ARHGAP32: variants seen among roughly 807,000 people sequenced by gnomAD.
ARHGAP32 encodes the protein Rho GTPase activating protein 32, also known as rho GTPase-activating protein 32.
In ARHGAP32, 51 loss-of-function variants were observed where a neutral mutation model predicts 186.5. The ratio of observed to expected loss-of-function variants is 0.27; its 90% CI spans 0.22 to 0.35. The LOEUF is 0.35. Ranked by LOEUF, ARHGAP32 falls within the 10% of genes least tolerant of loss-of-function variation. The pLI is 1.00. For synonymous variants in ARHGAP32, 950 were observed against 964.3 expected (o/e 0.99, Z 0.27); for missense variants, 2,186 against 2,623.5 (o/e 0.83, Z 3.64).
At chr11:129,212,804 TATCAC>T (rs781159743) in intron 1 of ARHGAP32, among the ~76,000 whole-genome samples, 9 of 152,230 alleles carry the variant, frequency 5.9e-5, no homozygotes, top group Non-Finnish European at 1.0e-4. Flanking sequence ...TGTATCAAAA[TATCAC>T]ATGTACCCCA....
rs200153351 is a variant in ARHGAP32, at chr11:129,062,288, C to T, written c.955G>A (p.Gly319Arg). Residue 319 changes from glycine (G) to arginine (R), a missense_variant, in exon 10 of 23, where the codon GGA (glycine) becomes AGA (arginine). Around this residue, in one of 5 missense-constraint regions of ARHGAP32, gnomAD observed 308 missense variants for 596.5 expected, o/e 0.52. Coordinates refer to ENST00000682385, the MANE Select transcript of ARHGAP32 (RefSeq NM_001378024.1). Reference sequence around the variant, plus strand: ...AATTTGCTGCTGCCTACCTGGAATCCGTGCTTGCCTCTCCACCATGTGCTT... The same window carrying T: ...AATTTGCTGCTGCCTACCTGGAATCTGTGCTTGCCTCTCCACCATGTGCTT... ...VLSTWWRGKH[G>R]FQVGLFPGHC... 7 of 1,613,234 alleles carry T rather than the reference C, an allele frequency of 4.3e-6. No homozygotes were observed. The highest frequency in any genetic ancestry group is 5.1e-6 in the Non-Finnish European group (6 of 1,179,464).
intron 1 of ARHGAP32, among the ~76,000 whole-genome samples, chr11:129,226,020 T>G (rs1471618597): frequency 6.6e-6 from 1 of 152,022 alleles, no homozygotes; most frequent in Non-Finnish European, 1.5e-5. Flanking sequence ...GGAAGAAAAA[T>G]TCTTCAAATA....
At chr11:129,138,379 T>C (rs1942982613) in intron 2 of ARHGAP32, among the ~76,000 whole-genome samples, 1 of 151,316 alleles carries the variant, frequency 6.6e-6, no homozygotes, top group Non-Finnish European at 1.5e-5. Flanking sequence ...CCCTATAATC[T>C]GAACCAGTTA....
intron 1 of ARHGAP32, among the ~76,000 whole-genome samples, chr11:129,186,259 A>G (rs1944159317): frequency 6.6e-6 from 1 of 152,154 alleles, no homozygotes; most frequent in African/African-American, 2.4e-5. Context: ...GCCTTTCTTG[A>G]ACATCAAAAT....
At chr11:129,013,209 C>T (rs1354738015) in intron 11 of ARHGAP32, among the ~76,000 whole-genome samples, 2 of 152,150 alleles carry the variant, frequency 1.3e-5, no homozygotes, top group African/African-American at 4.8e-5. Flanking sequence ...ACTCTGTGCC[C>T]CCATTTGGCA....
At chr11:129,105,705 T>C (rs1329812732) in intron 5 of ARHGAP32, among the ~76,000 whole-genome samples, 16 of 152,084 alleles carry the variant, frequency 1.1e-4, no homozygotes, top group Admixed American at 6.5e-4. Flanking sequence ...TACTACACTA[T>C]AATATTCAAA....
chr11:129,171,327 C>T (rs1943755261), intron 1 of ARHGAP32, among the ~76,000 whole-genome samples: 1 of 152,056 alleles, frequency 6.6e-6, no homozygotes. Context: ...GTCTTTAATC[C>T]ATCCTGAGTT....
chr11:129,147,161 G>GC (rs1475988702), intron 2 of ARHGAP32, among the ~76,000 whole-genome samples: 1 of 151,880 alleles, frequency 6.6e-6, no homozygotes, highest in African/African-American at 2.4e-5. Context: ...TATGGCACCT[G>GC]CCCTCAAGGA....
chr11:129,027,643 A>C (rs1370856936), intron 11 of ARHGAP32, among the ~76,000 whole-genome samples: 1 of 152,118 alleles, frequency 6.6e-6, no homozygotes, highest in East Asian at 1.9e-4. Flanking sequence ...CTTTGTTCAA[A>C]AGTAGGTTTC....
chr11:129,090,407 C>T (rs968631976), intron 6 of ARHGAP32, among the ~76,000 whole-genome samples: 1 of 152,132 alleles, frequency 6.6e-6, no homozygotes, highest in East Asian at 1.9e-4. Context: ...TTATAAAATA[C>T]TTGATCTTCA....
intron 21 of ARHGAP32, 168 bp from the exon 22 acceptor site, chr11:128,973,600 C>G (rs1945457688): frequency 1.4e-6 from 1 of 699,166 alleles, no homozygotes; most frequent in Non-Finnish European, 2.3e-6. Flanking sequence ...GAAAACACAT[C>G]TGGTTCAGAA....
intron 1 of ARHGAP32, among the ~76,000 whole-genome samples, chr11:129,249,280 T>A (rs1029181315): frequency 1.3e-5 from 2 of 152,150 alleles, no homozygotes; most frequent in Non-Finnish European, 2.9e-5. Context: ...ATACTCTTTA[T>A]ATACATACAG....
At chr11:129,210,985 G>A (rs1266452024) in intron 1 of ARHGAP32, among the ~76,000 whole-genome samples, 1 of 152,046 alleles carries the variant, frequency 6.6e-6, no homozygotes, top group Non-Finnish European at 1.5e-5. Flanking sequence ...ACTTCAATTT[G>A]GTCACTTACT....
At position 129,124,789 on chromosome 11, in the gene ARHGAP32, A is replaced by T. The variant is rs1340895348; in HGVS notation, c.317+14T>A. 6.4e-7 allele frequency: 1 copy of T among 1,568,908 alleles called. No homozygotes were observed. The highest frequency in any genetic ancestry group is 8.7e-7 in the Non-Finnish European group (1 of 1,153,620). ...TAGGAATTCATTTAGAATCCACTGT[A>T]AAGTTATACTCACTTTTTCACATGC... On this transcript the variant is annotated intron_variant, in intron 3 of 22. Coordinates refer to ENST00000682385, the MANE Select transcript of ARHGAP32 (RefSeq NM_001378024.1).
At chr11:129,203,327 A>T (rs1481392911) in intron 1 of ARHGAP32, among the ~76,000 whole-genome samples, 1 of 152,246 alleles carries the variant, frequency 6.6e-6, no homozygotes, top group Non-Finnish European at 1.5e-5. Context: ...GAGGCAAGTG[A>T]TAATTTTTCT....
In ARHGAP32 at chr11:129,164,535, T is replaced by C. The variant is rs547174867; in HGVS notation, c.117-108A>G. ...AAAACTACATGTCAGATTTGAAGTT[T>C]AGCTAAAAGAGCTTAACTGAATAGC... On this transcript the variant is annotated intron_variant, in intron 1 of 22. Transcript: ENST00000682385. 4.5e-6 allele frequency: 3 copies of C among 664,374 alleles called. No individual in the cohort carries two copies. In the East Asian group the frequency reaches 8.2e-5, roughly 18 times the overall value. The allele number at this position is 664,374 out of a possible 1,614,324, so 41.2% of individuals were successfully genotyped here. A position where few individuals can be genotyped will look rare whatever the true frequency, so the allele number is the denominator to read the frequency against.
intron 2 of ARHGAP32, among the ~76,000 whole-genome samples, chr11:129,139,755 T>C (rs549917215): frequency 6.6e-6 from 1 of 152,330 alleles, no homozygotes; most frequent in Non-Finnish European, 1.5e-5. Context: ...CATGTGGAAC[T>C]GTAAGTCCAT....
chr11:129,010,063 C>T (rs997941631), intron 11 of ARHGAP32, among the ~76,000 whole-genome samples: 3 of 151,956 alleles, frequency 2.0e-5, no homozygotes, highest in East Asian at 1.9e-4. Context: ...ATTTCTCTAA[C>T]GACCAGTGTT....
In ARHGAP32 at chr11:128,972,893, T is replaced by C; in HGVS notation, c.3613A>G (p.Ser1205Gly). Residue 1205 changes from serine to glycine, a missense_variant, in exon 22 of 23, where the codon AGT (serine) becomes GGT (glycine). This residue lies in a region of ARHGAP32 where 1,502 missense variants were observed against 1,570.0 expected (regional missense o/e 0.96). Transcript: ENST00000682385. ...TCCAAGAAGGAGACAGTTGGCATAC[T>C]GTTCTTCCCAGACTGGTCTTCAGGG... ...SFPEDQSGKN[S>G]MPTVSFLDQD... 2 of 1,614,090 alleles carry C rather than the reference T, an allele frequency of 1.2e-6. No individual in the cohort carries two copies. Among genetic ancestry groups the C allele is most frequent in the Non-Finnish European group, 1.7e-6 (2 of 1,180,026 alleles).
Sources: allele counts gnomAD v4.1 joint callset (sites outside exome capture counted in the v4.1 genomes callset), GRCh38; gene constraint gnomAD v4.1.1; regional missense constraint gnomAD v4.1.1; transcripts MANE v1.5; gene names NCBI Gene and HGNC (gene_info 2026-07-23, HGNC 2026-07-21).